Variants in LRRC4C observed in about 807,000 individuals in gnomAD.
LRRC4C encodes the protein leucine rich repeat containing 4C.
Under a neutral mutation model 33.6 loss-of-function variants are expected in LRRC4C, and 5 were observed. The ratio of observed to expected loss-of-function variants is 0.15; its 90% CI spans 0.08 to 0.31. The LOEUF is 0.31. Ranked by LOEUF, LRRC4C falls within the 10% of genes least tolerant of loss-of-function variation. LRRC4C has a pLI of 1.00. For missense variants in LRRC4C, 560 were observed against 796.7 expected, an observed-to-expected ratio of 0.70 and a Z score of 3.58; for synonymous variants, 329 against 302.0, an observed-to-expected ratio of 1.09 and a Z score of -0.93.
At chr11:40,414,029 TA>T (rs1351017673) in intron 3 of LRRC4C, among the ~76,000 whole-genome samples, 1 of 152,110 alleles carries the variant, frequency 6.6e-6, no homozygotes, top group Non-Finnish European at 1.5e-5. Flanking sequence ...ATACTAGATC[TA>T]AACACATTTT....
chr11:40,798,167 G>A (rs904035063), intron 2 of LRRC4C, among the ~76,000 whole-genome samples: 2 of 152,170 alleles, frequency 1.3e-5, no homozygotes, highest in African/African-American at 4.8e-5. Context: ...CTGACTTGCA[G>A]TACACATCAA....
chr11:41,198,511 T>C (rs926851810), intron 1 of LRRC4C, among the ~76,000 whole-genome samples: 3 of 151,998 alleles, frequency 2.0e-5, no homozygotes, highest in Admixed American at 1.3e-4. Flanking sequence ...AGGAGGGATG[T>C]AAGCATTTGA....
At position 40,172,021 on chromosome 11, in the gene LRRC4C, C is replaced by CA. The variant is rs112204636; in HGVS notation, c.-95-31169dup. On this transcript the variant is annotated intron_variant, in intron 5 of 6. Coordinates refer to ENST00000528697, the MANE Select transcript of LRRC4C (RefSeq NM_001258419.2). The stretch of plus-strand genomic sequence containing the variant: ...AACAGAGTTAGACTCCGTCTCCAAA[C>CA]AAAAAAAAGGACTGAAAGGAGTCCG... Among the ~76,000 whole-genome samples, 56 of 151,494 alleles carry CA rather than the reference C, an allele frequency of 3.7e-4. No individual in the cohort carries two copies. The East Asian group carries it at 4.1e-3, about 11-fold the overall frequency.
intron 1 of LRRC4C, among the ~76,000 whole-genome samples, chr11:41,227,729 C>T (rs192751932): frequency 1.0e-3 from 153 of 152,178 alleles, no homozygotes; most frequent in African/African-American, 3.6e-3. Context: ...TTGAAGTCCA[C>T]TTTGCATTCC....
chr11:40,653,297 C>T (rs372640066), intron 2 of LRRC4C, among the ~76,000 whole-genome samples: 2 of 152,136 alleles, frequency 1.3e-5, no homozygotes, highest in South Asian at 4.1e-4. Flanking sequence ...TTTGGAACTT[C>T]CTAGACACTT....
At chr11:40,430,476 C>G (rs144157921) in intron 3 of LRRC4C, among the ~76,000 whole-genome samples, 2 of 152,162 alleles carry the variant, frequency 1.3e-5, no homozygotes, top group African/African-American at 4.8e-5. Context: ...CTACAATAGG[C>G]ACAGTGAGTA....
intron 1 of LRRC4C, among the ~76,000 whole-genome samples, chr11:41,321,492 G>A (rs544241991): frequency 1.6e-4 from 25 of 152,104 alleles, no homozygotes; most frequent in African/African-American, 2.9e-4. Flanking sequence ...CAAAAGGACC[G>A]TAGAATTCAA....
chr11:40,491,389 A>T (rs1265581267), intron 3 of LRRC4C, among the ~76,000 whole-genome samples: 1 of 152,156 alleles, frequency 6.6e-6, no homozygotes, highest in Admixed American at 6.6e-5. Flanking sequence ...TAATTTTGCC[A>T]TTTCCACAGG....
At chr11:40,371,865 T>G (rs1378441268) in intron 3 of LRRC4C, among the ~76,000 whole-genome samples, 1 of 152,218 alleles carries the variant, frequency 6.6e-6, no homozygotes, top group Non-Finnish European at 1.5e-5. Context: ...ATATTTGTTT[T>G]TCATTTATGC....
chr11:40,308,312 G>T (rs1457014653), intron 4 of LRRC4C, among the ~76,000 whole-genome samples: 3 of 152,178 alleles, frequency 2.0e-5, no homozygotes, highest in Non-Finnish European at 4.4e-5. Flanking sequence ...AAGTAGAAGA[G>T]AAACTGATCT....
intron 3 of LRRC4C, among the ~76,000 whole-genome samples, chr11:40,518,455 C>T (rs1955664085): frequency 6.6e-6 from 1 of 152,142 alleles, no homozygotes; most frequent in South Asian, 2.1e-4. Flanking sequence ...AGGATATGAA[C>T]ACACACTTTT....
intron 1 of LRRC4C, among the ~76,000 whole-genome samples, chr11:41,287,853 A>C (rs1338841188): frequency 1.3e-5 from 2 of 152,110 alleles, no homozygotes; most frequent in Non-Finnish European, 2.9e-5. Context: ...TGCATGTATT[A>C]TTTATTCATT....
At chr11:40,966,334 G>A (rs1438111748) in intron 1 of LRRC4C, among the ~76,000 whole-genome samples, 1 of 151,978 alleles carries the variant, frequency 6.6e-6, no homozygotes, top group Non-Finnish European at 1.5e-5. Context: ...TTTAGTGGAA[G>A]AGAAGCCCAA....
At chr11:41,412,184 C>T (rs931314518) in intron 1 of LRRC4C, among the ~76,000 whole-genome samples, 1 of 152,128 alleles carries the variant, frequency 6.6e-6, no homozygotes, top group Non-Finnish European at 1.5e-5. Context: ...TTTAACCCAC[C>T]AGCACTATGA....
intron 2 of LRRC4C, among the ~76,000 whole-genome samples, chr11:40,731,319 A>AAAAT (rs1410266430): frequency 4.2e-4 from 54 of 127,148 alleles, no homozygotes; most frequent in South Asian, 1.5e-3. Context: ...ACTCCGTCTC[A>AAAAT]AAATAAATAA....
intron 4 of LRRC4C, among the ~76,000 whole-genome samples, chr11:40,276,750 T>C (rs1248289053): frequency 6.6e-6 from 1 of 151,426 alleles, no homozygotes; most frequent in Non-Finnish European, 1.5e-5. Context: ...CAAGCCTTTG[T>C]GTCCATAGAT....
At chr11:41,166,279 A>G (rs1215778023) in intron 1 of LRRC4C, among the ~76,000 whole-genome samples, 1 of 152,194 alleles carries the variant, frequency 6.6e-6, no homozygotes, top group Non-Finnish European at 1.5e-5. Flanking sequence ...AACCACACAT[A>G]TTTAACTGTA....
At chr11:40,590,306 C>T (rs1331535146) in intron 3 of LRRC4C, among the ~76,000 whole-genome samples, 2 of 150,432 alleles carry the variant, frequency 1.3e-5, no homozygotes, top group Non-Finnish European at 3.0e-5. Context: ...ACATAGTTCT[C>T]GAGCCTTGGT....
chr11:41,220,533 T>C (rs1044356985), intron 1 of LRRC4C, among the ~76,000 whole-genome samples: 6 of 144,268 alleles, frequency 4.2e-5, no homozygotes, highest in East Asian at 2.0e-4. Context: ...CACACAGACA[T>C]ACACACACAC....
Sources: allele counts gnomAD v4.1 joint callset (sites outside exome capture counted in the v4.1 genomes callset), GRCh38; gene constraint gnomAD v4.1.1; transcripts MANE v1.5; gene names NCBI Gene and HGNC (gene_info 2026-07-23, HGNC 2026-07-21).